Variants in WWP1 observed in about 807,000 individuals in gnomAD.
The protein encoded by WWP1 is WW domain containing E3 ubiquitin protein ligase 1, also known as NEDD4-like E3 ubiquitin-protein ligase WWP1.
A neutral mutation model predicts 130.6 loss-of-function variants in WWP1; 49 were observed. The observed-to-expected ratio is 0.38, with a 90% CI of 0.30 to 0.48. The LOEUF is 0.48. Among genes scored for constraint, WWP1 ranks in the 20% least tolerant of loss-of-function variants. The pLI, the probability that WWP1 is intolerant of heterozygous loss-of-function variation, is 0.99. For synonymous variants in WWP1, 332 were observed against 367.8 expected (o/e 0.90, Z 1.11); for missense variants, 809 against 1,100.6 (o/e 0.74, Z 3.75).
intron 24 of WWP1, among the ~76,000 whole-genome samples, chr8:86,463,159 G>A (rs1811856318): frequency 6.6e-6 from 1 of 152,030 alleles, no homozygotes; most frequent in African/African-American, 2.4e-5. Context: ...TGTAGACTTA[G>A]GTATTTGACA....
chr8:86,466,899 G>A lies in WWP1; in HGVS notation c.*6G>A. The A allele has an allele frequency of 6.3e-7, 1 of 1,598,670 alleles. No individual in the cohort carries two copies. The highest frequency in any genetic ancestry group is 1.1e-5 in the South Asian group (1 of 89,084). On this transcript the variant is annotated 3_prime_UTR_variant, in exon 25 of 25. Coordinates refer to ENST00000517970, the MANE Select transcript of WWP1 (RefSeq NM_007013.4). Reference sequence around the variant, plus strand: ...AGGGATTTGGACAAGAATGAATGTGGCTTCTTATTTTGGAGGAGCTCTTGC... The same window carrying A: ...AGGGATTTGGACAAGAATGAATGTGACTTCTTATTTTGGAGGAGCTCTTGC...
intron 8 of WWP1, among the ~76,000 whole-genome samples, chr8:86,410,244 G>C (rs561275810): frequency 8.5e-5 from 13 of 152,192 alleles, no homozygotes; most frequent in African/African-American, 3.1e-4. Context: ...ACATAAGAAT[G>C]ATCTATCCAA....
intron 14 of WWP1, among the ~76,000 whole-genome samples, chr8:86,434,360 C>T (rs72688597): frequency 0.055 from 8,411 of 152,252 alleles, 317 homozygotes; most frequent in Non-Finnish European, 0.086. Context: ...CTTCATTGGA[C>T]GCTAGCTGTG....
intron 9 of WWP1, among the ~76,000 whole-genome samples, chr8:86,424,990 G>A (rs2130645160): frequency 6.6e-6 from 1 of 152,044 alleles, no homozygotes; most frequent in Non-Finnish European, 1.5e-5. Context: ...TATACTTTGA[G>A]TTTCCAATAC....
chr8:86,421,507 G>GA (rs1195696772), intron 9 of WWP1, among the ~76,000 whole-genome samples: 3 of 150,902 alleles, frequency 2.0e-5, no homozygotes, highest in African/African-American at 7.4e-5. Flanking sequence ...TCTTTTTTGG[G>GA]GGGGTTCTCC....
At chr8:86,412,520 A>G (rs1208466987) in intron 9 of WWP1, among the ~76,000 whole-genome samples, 3 of 152,190 alleles carry the variant, frequency 2.0e-5, no homozygotes, top group Non-Finnish European at 4.4e-5. Flanking sequence ...AGTGATTCAC[A>G]GTTGTAAACG....
chr8:86,346,694 A>C (rs1017277863), intron 1 of WWP1, among the ~76,000 whole-genome samples: 2 of 152,218 alleles, frequency 1.3e-5, no homozygotes, highest in Non-Finnish European at 2.9e-5. Flanking sequence ...TTTCATAATT[A>C]TTAGAAAGAC....
chr8:86,369,713 A>G (rs908630967), intron 2 of WWP1, among the ~76,000 whole-genome samples: 6 of 152,198 alleles, frequency 3.9e-5, no homozygotes, highest in African/African-American at 1.2e-4. Context: ...ATATGAATCA[A>G]TATCTTCACC....
chr8:86,423,833 G>A (rs1327954518), intron 9 of WWP1, among the ~76,000 whole-genome samples: 13 of 148,280 alleles, frequency 8.8e-5, no homozygotes, highest in South Asian at 6.5e-4. Flanking sequence ...CCTCCCGGAC[G>A]GGGCGGCGGC....
At chr8:86,406,739 C>T (rs1448891773) in intron 8 of WWP1, among the ~76,000 whole-genome samples, 1 of 152,128 alleles carries the variant, frequency 6.6e-6, no homozygotes, top group Non-Finnish European at 1.5e-5. Context: ...AGGTACAGAA[C>T]TGTAGCATCA....
chr8:86,350,343 T>C (rs1413594077), intron 1 of WWP1, among the ~76,000 whole-genome samples: 1 of 152,252 alleles, frequency 6.6e-6, no homozygotes, highest in Non-Finnish European at 1.5e-5. Flanking sequence ...AATGAGTGTT[T>C]AGTTTTTATT....
rs951222269 is a variant in WWP1, at chr8:86,438,486, A to C, written c.1750-99A>C. On this transcript the variant is annotated intron_variant, in intron 16 of 24. Transcript: ENST00000517970. ...TTAAAAGCATTGTATAAGATAAGGA[A>C]ATGTGTTATTTTGAAAATAGAGATT... 5.1e-5 allele frequency: 45 copies of C among 885,458 alleles called. No individual in the cohort carries two copies. The South Asian group carries it at 9.2e-4, about 18-fold the overall frequency. The allele number at this position is 885,458 out of a possible 1,614,324, so 54.9% of individuals were successfully genotyped here.
chr8:86,396,045 A>G (rs1458752389), intron 5 of WWP1, among the ~76,000 whole-genome samples: 3 of 152,276 alleles, frequency 2.0e-5, no homozygotes, highest in Non-Finnish European at 4.4e-5. Context: ...GTCAGTCAAT[A>G]TAGTTTTCTT....
At chr8:86,362,167 T>TATATATATATATATATATATATAAGGC (rs1823691980) in intron 1 of WWP1, among the ~76,000 whole-genome samples, 5 of 46,014 alleles carry the variant, frequency 1.1e-4, no homozygotes, top group African/African-American at 2.8e-4. Flanking sequence ...ACAAGGCATA[T>TATATATATATATATATATATATAAGGC]ATATATATAT....
intron 12 of WWP1, 33 bp downstream of exon 12, chr8:86,430,784 GAT>G (rs748963057): frequency 4.4e-6 from 5 of 1,141,496 alleles, no homozygotes; most frequent in Non-Finnish European, 4.7e-6. Flanking sequence ...CTATAAGGGA[GAT>G]ATATATCTCT....
intron 8 of WWP1, chr8:86,405,105 T>C (rs1241578398): frequency 6.6e-6 from 1 of 152,218 alleles, no homozygotes. Flanking sequence ...CATCACTTAA[T>C]AAAGGATGAA....
chr8:86,451,777 T>C (rs968984056), intron 20 of WWP1, among the ~76,000 whole-genome samples: 5 of 152,212 alleles, frequency 3.3e-5, no homozygotes, highest in Admixed American at 3.3e-4. Context: ...TGTATGCTGC[T>C]TCTTTAGGTA....
intron 14 of WWP1, among the ~76,000 whole-genome samples, chr8:86,432,748 C>T (rs992027369): frequency 3.3e-5 from 5 of 152,070 alleles, no homozygotes; most frequent in Non-Finnish European, 7.4e-5. Flanking sequence ...GCTGGGATTA[C>T]AGGCACCCGC....
intron 5 of WWP1, among the ~76,000 whole-genome samples, chr8:86,394,795 T>C (rs531122001): frequency 2.6e-5 from 4 of 152,282 alleles, no homozygotes; most frequent in South Asian, 4.1e-4. Context: ...CAAAATGTTA[T>C]AACTCAATCT....
Sources: gnomAD v4.1 joint callset for allele counts (sites outside exome capture counted in the v4.1 genomes callset) on GRCh38, gnomAD v4.1.1 for gene constraint, MANE v1.5 for transcripts, NCBI Gene and HGNC (gene_info 2026-07-23, HGNC 2026-07-21) for gene names.